Variants in SYN3 observed in about 807,000 individuals in gnomAD.
The protein encoded by SYN3 is synapsin III.
SYN3 carries 35 observed loss-of-function variants against 65.8 expected under a neutral mutation model. That is an observed-to-expected ratio of 0.53 (90% CI 0.41 to 0.70). The LOEUF (loss-of-function observed/expected upper bound fraction) is 0.70, where lower values mean the gene tolerates loss of function less well. SYN3 is among the 30% of genes least tolerant of loss of function. The probability of loss-of-function intolerance (pLI) is 0.00; values close to 1 mark genes in which losing one functional copy is unlikely to be tolerated. For synonymous variants in SYN3, 270 were observed against 292.9 expected (o/e 0.92, Z 0.80); for missense variants, 680 against 749.0 (o/e 0.91, Z 1.08).
At chr22:32,980,255 G>A (rs1189333724) in intron 3 of SYN3, among the ~76,000 whole-genome samples, 7 of 152,104 alleles carry the variant, frequency 4.6e-5, no homozygotes, top group Admixed American at 4.6e-4. Context: ...AGGATTCAAG[G>A]CCCTTCATTA....
At chr22:32,529,312 G>A (rs114277628) in intron 10 of SYN3, among the ~76,000 whole-genome samples, 4,333 of 152,202 alleles carry the variant, frequency 0.028, 196 homozygotes, top group African/African-American at 0.098. Context: ...GCCGCTCTCC[G>A]CCCCCTCCTT....
At chr22:32,578,446 T>G (rs1401189766) in intron 7 of SYN3, among the ~76,000 whole-genome samples, 1 of 152,136 alleles carries the variant, frequency 6.6e-6, no homozygotes, top group Non-Finnish European at 1.5e-5. Flanking sequence ...AGATGGGTTT[T>G]GCCATGTAGC....
intron 3 of SYN3, among the ~76,000 whole-genome samples, chr22:32,949,779 T>C (rs533113063): frequency 6.6e-6 from 1 of 152,184 alleles, no homozygotes; most frequent in Non-Finnish European, 1.5e-5. Flanking sequence ...ATCATCATAA[T>C]ACTAAGCTGA....
At chr22:32,552,284 T>C (rs2058428553) in intron 7 of SYN3, among the ~76,000 whole-genome samples, 1 of 151,930 alleles carries the variant, frequency 6.6e-6, no homozygotes, top group Non-Finnish European at 1.5e-5. Context: ...GAAAACACTT[T>C]AGAAGGGTGA....
intron 6 of SYN3, among the ~76,000 whole-genome samples, chr22:32,830,227 G>C (rs2047533809): frequency 6.6e-6 from 1 of 152,092 alleles, no homozygotes; most frequent in African/African-American, 2.4e-5. Flanking sequence ...TTGGGAAAGG[G>C]GGCCTCTCAC....
At chr22:32,634,559 C>T (rs945759492) in intron 6 of SYN3, among the ~76,000 whole-genome samples, 3 of 152,182 alleles carry the variant, frequency 2.0e-5, no homozygotes, top group East Asian at 1.9e-4. Flanking sequence ...CTAGACAGCT[C>T]GGCACCACCT....
At chr22:33,018,809 C>T (rs1301219696) in intron 1 of SYN3, among the ~76,000 whole-genome samples, 1 of 152,178 alleles carries the variant, frequency 6.6e-6, no homozygotes, top group African/African-American at 2.4e-5. Flanking sequence ...TCCCCACTTC[C>T]GGAACCCTGT....
Position 32,769,189 on chromosome 22 carries a change from C to A in SYN3, c.711+95726G>T, listed in dbSNP as rs549736025. On this transcript the variant is annotated intron_variant, in intron 6 of 13. Coordinates refer to ENST00000358763, the MANE Select transcript of SYN3 (RefSeq NM_003490.4). ...TTGACCCTATATTCACCATCAATTA[C>A]CACCCATTTCCCCCCTGTTCTACTT... Among the ~76,000 whole-genome samples, 27 of 152,218 alleles carry A rather than the reference C, an allele frequency of 1.8e-4. No homozygotes were observed. The South Asian group carries it at 5.6e-3, about 32-fold the overall frequency.
At chr22:32,701,216 G>C (rs2147200510) in intron 6 of SYN3, among the ~76,000 whole-genome samples, 2 of 152,270 alleles carry the variant, frequency 1.3e-5, no homozygotes, top group East Asian at 3.9e-4. Context: ...TGCTTAAAAA[G>C]CTTCAATGAG....
chr22:32,528,890 G>A lies in SYN3; in HGVS notation c.1214C>T (p.Ser405Phe). The part of the protein sequence containing the change: ...QLPMPGGTAP[S>F]PLRPWAPQIK... ...GGGTCTTACCCAAGGTCTGAGGGGG[G>A]AGGGCGCTGTGCCTCCTGGCATCGG... The change falls in exon 11 of 14, where the codon TCC becomes TTC. Residue 405 changes from serine (S) to phenylalanine (F), a missense_variant. Transcript: ENST00000358763. 1.9e-6 allele frequency: 3 copies of A among 1,614,188 alleles called. No individual in the cohort carries two copies. Among genetic ancestry groups the A allele is most frequent in the Admixed American group, 3.3e-5 (2 of 60,030 alleles).
chr22:32,811,219 A>G (rs554708684), intron 6 of SYN3, among the ~76,000 whole-genome samples: 1 of 152,284 alleles, frequency 6.6e-6, no homozygotes, highest in East Asian at 1.9e-4. Context: ...ATCAAAGATA[A>G]GCAGACTGAG....
chr22:32,581,187 G>T (rs927980997), intron 7 of SYN3, among the ~76,000 whole-genome samples: 2 of 152,168 alleles, frequency 1.3e-5, no homozygotes, highest in Non-Finnish European at 2.9e-5. Context: ...TCGGCTCACT[G>T]CAACCTCTGC....
intron 2 of SYN3, among the ~76,000 whole-genome samples, chr22:33,003,661 G>A (rs982740527): frequency 2.0e-5 from 3 of 152,176 alleles, no homozygotes; most frequent in African/African-American, 7.2e-5. Flanking sequence ...GAGCATAAAA[G>A]TTTGAAAAAT....
At position 32,757,642 on chromosome 22, in the gene SYN3, A is replaced by G. The variant is rs529481005; in HGVS notation, c.711+107273T>C. Among the ~76,000 whole-genome samples, 118 of 152,284 alleles carry G rather than the reference A, an allele frequency of 7.7e-4. 1 individual carries two copies. The highest frequency in any genetic ancestry group is 2.7e-3 in the African/African-American group (113 of 41,566). ...GTCCACAAGCTAAGAAGGGAGTTAC[A>G]GTGGTGGCTGGGTTGATCGACCCCG... On this transcript the variant is annotated intron_variant, in intron 6 of 13. Transcript: ENST00000358763.
intron 10 of SYN3, among the ~76,000 whole-genome samples, chr22:32,531,453 T>C (rs2058069802): frequency 1.3e-5 from 2 of 152,246 alleles, no homozygotes; most frequent in African/African-American, 4.8e-5. Flanking sequence ...AGGTTCATTT[T>C]GGAATCCCCA....
At chr22:32,939,013 A>G (rs2050861721) in intron 3 of SYN3, among the ~76,000 whole-genome samples, 1 of 152,126 alleles carries the variant, frequency 6.6e-6, no homozygotes, top group Non-Finnish European at 1.5e-5. Context: ...AAAATGTGTT[A>G]AAGGAAGCTC....
At chr22:32,682,001 G>A (rs5749486) in intron 6 of SYN3, among the ~76,000 whole-genome samples, 47,893 of 151,954 alleles carry the variant, frequency 0.32, 9,904 homozygotes, top group East Asian at 0.67. Context: ...AAGAGAGTTA[G>A]TCATGTGGGA....
chr22:32,861,587 C>G (rs2048539823), intron 6 of SYN3: 1 of 152,584 alleles, frequency 6.6e-6, no homozygotes, highest in Non-Finnish European at 1.5e-5. Context: ...TGTGGTCAGC[C>G]TCTCTCACAC....
intron 6 of SYN3, among the ~76,000 whole-genome samples, chr22:32,839,186 G>A (rs1364925113): frequency 6.6e-6 from 1 of 152,082 alleles, no homozygotes; most frequent in Non-Finnish European, 1.5e-5. Flanking sequence ...TATGGTCCCA[G>A]CTCTGAAGAG....
Sources: gnomAD v4.1 joint callset for allele counts (sites outside exome capture counted in the v4.1 genomes callset) on GRCh38, gnomAD v4.1.1 for gene constraint, MANE v1.5 for transcripts, NCBI Gene and HGNC (gene_info 2026-07-23, HGNC 2026-07-21) for gene names.